CFHR1: variants seen among roughly 807,000 people sequenced by gnomAD.
CFHR1 encodes complement factor H related 1, also known as complement factor H-related protein 1.
Under a neutral mutation model 30.4 loss-of-function variants are expected in CFHR1, and 22 were observed. The ratio of observed to expected loss-of-function variants is 0.72; its 90% CI spans 0.52 to 1.03. CFHR1 has a LOEUF of 1.03. Among genes scored for constraint, CFHR1 ranks in the 50% least tolerant of loss-of-function variants. CFHR1 has a pLI of 0.00. For missense variants in CFHR1, 248 were observed against 380.6 expected (o/e 0.65, Z 2.90); for synonymous variants, 95 against 129.1 (o/e 0.74, Z 1.79).
In CFHR1 at chr1:196,832,166, C is replaced by A; in HGVS notation, c.*167C>A. 5.5e-6 allele frequency: 4 copies of A among 725,206 alleles called. No individual in the cohort carries two copies. The highest frequency in any genetic ancestry group is 8.7e-6 in the Non-Finnish European group (4 of 460,902). The allele number at this position is 725,206 out of a possible 1,614,324, so 44.9% of individuals were successfully genotyped here. On this transcript the variant is annotated 3_prime_UTR_variant, in exon 6 of 6. Transcript: ENST00000320493. ...ACCGGTGGCTCTCTTCTTAAAAGCA[C>A]CATATTAAAACTTGGAAAACTAACT...
At chr1:196,821,995 T>C (rs1173250079) in intron 1 of CFHR1, among the ~76,000 whole-genome samples, 2 of 130,226 alleles carry the variant, frequency 1.5e-5, no homozygotes, top group Non-Finnish European at 1.6e-5. Flanking sequence ...ATTGTAAGTA[T>C]ATGTTTATCT....
At position 196,831,745 on chromosome 1, in the gene CFHR1, T is replaced by C; in HGVS notation, c.791-52T>C. 6.2e-6 allele frequency: 9 copies of C among 1,459,632 alleles called. 2 individuals carry two copies. Among genetic ancestry groups the C allele is most frequent in the African/African-American group, 1.8e-5 (1 of 57,142 alleles). The allele number at this position is 1,459,632 out of a possible 1,614,324, so 90.4% of individuals were successfully genotyped here. ...TTCTACTTGAAAACCTGAAAGTCTA[T>C]GAAGATTTGCATACTACTTAATGTT... On this transcript the variant is annotated intron_variant, in intron 5 of 5. Coordinates refer to ENST00000320493, the MANE Select transcript of CFHR1 (RefSeq NM_002113.3).
intron 2 of CFHR1, among the ~76,000 whole-genome samples, chr1:196,826,468 TTTTAA>T (rs1655327085): frequency 1.1e-5 from 1 of 90,068 alleles, no homozygotes; most frequent in African/African-American, 6.3e-5. Context: ...AAGCTTTCCT[TTTTAA>T]TTTTTTTTGT....
intron 4 of CFHR1, among the ~76,000 whole-genome samples, chr1:196,829,207 A>T (rs1213186166): frequency 7.4e-6 from 1 of 134,792 alleles, no homozygotes; most frequent in Admixed American, 7.1e-5. Context: ...CATTTAAATC[A>T]ACAACTGGAA....
chr1:196,825,246 T>A, intron 1 of CFHR1: 1 of 367,360 alleles, frequency 2.7e-6, no homozygotes, highest in Non-Finnish European at 4.9e-6. Context: ...ATATTTCATA[T>A]CACTCCAAAA....
chr1:196,825,687 G>A lies in CFHR1; in HGVS notation c.253+16G>A. 2 of 1,507,218 alleles carry A rather than the reference G, an allele frequency of 1.3e-6. 1 individual carries two copies. Among genetic ancestry groups the A allele is most frequent in the Non-Finnish European group, 1.8e-6 (2 of 1,113,952 alleles). The allele number at this position is 1,507,218 out of a possible 1,614,324, so 93.4% of individuals were successfully genotyped here. A position where few individuals can be genotyped will look rare whatever the true frequency, so the allele number is the denominator to read the frequency against. ...AAGTGTCTCAGTGAGTAAATGCTCT[G>A]TTCATTAAATGGATGTCATTCAGTG... On this transcript the variant is annotated intron_variant, in intron 2 of 5. Coordinates refer to ENST00000320493, the MANE Select transcript of CFHR1 (RefSeq NM_002113.3).
At chr1:196,830,735 A>G (rs1655522469) in intron 5 of CFHR1, 53 bp downstream of exon 5, 1 of 1,503,606 alleles carries the variant, frequency 6.7e-7, no homozygotes, top group Admixed American at 1.7e-5. Flanking sequence ...TGAGTCTGAT[A>G]TTTTGCTGTT....
At chr1:196,824,624 A>G (rs2124887745) in intron 1 of CFHR1, among the ~76,000 whole-genome samples, 1 of 130,298 alleles carries the variant, frequency 7.7e-6, no homozygotes, top group East Asian at 2.0e-4. Flanking sequence ...TGCTGTAAAA[A>G]TAGTTGTTAT....
rs772080787 is a variant in CFHR1, at chr1:196,828,274, T to C, written c.607+28T>C. On this transcript the variant is annotated intron_variant, in intron 4 of 5. Transcript: ENST00000320493. ...AGAGTATTATATTTCTTTTAACATT[T>C]TGGGGGAGTATAGCAGGGTTAAAAT... The C allele has an allele frequency of 2.5e-6, 3 of 1,198,008 alleles. No individual in the cohort carries two copies. In the South Asian group the frequency reaches 4.6e-5, roughly 19 times the overall value. The allele number at this position is 1,198,008 out of a possible 1,614,324, so 74.2% of individuals were successfully genotyped here. A position where few individuals can be genotyped will look rare whatever the true frequency, so the allele number is the denominator to read the frequency against.
chr1:196,825,397 G>C, intron 1 of CFHR1, 80 bp from the exon 2 acceptor site: 1 of 1,064,216 alleles, frequency 9.4e-7, no homozygotes, highest in Admixed American at 2.2e-5. Flanking sequence ...AACACTATAA[G>C]TGAGATGATT....
chr1:196,827,919 T>C (rs1342545273), intron 3 of CFHR1, 151 bp from the exon 4 acceptor site: 2 of 728,350 alleles, frequency 2.7e-6, no homozygotes, highest in Non-Finnish European at 3.9e-6. Context: ...TTTTCTTCAA[T>C]ATTACATTTA....
In CFHR1 at chr1:196,830,549, T is replaced by G; in HGVS notation, c.657T>G (p.Ile219Met). 2.6e-6 allele frequency: 4 copies of G among 1,525,492 alleles called. No homozygotes were observed. Among genetic ancestry groups the G allele is most frequent in the African/African-American group, 1.7e-5 (1 of 58,424 alleles). The allele number at this position is 1,525,492 out of a possible 1,614,324, so 94.5% of individuals were successfully genotyped here. Residue 219 changes from isoleucine to methionine, a missense_variant, in exon 5 of 6, where the codon ATT (isoleucine) becomes ATG (methionine). Around this residue, in one of 3 missense-constraint regions of CFHR1, gnomAD observed 112 missense variants for 156.4 expected, o/e 0.72. Transcript: ENST00000320493. ...GPPPPIDNGDITSFPLSVYAP... is the reference protein window; with the variant it reads ...GPPPPIDNGDMTSFPLSVYAP... Reference sequence around the variant, plus strand: ...CTCCACCTATTGACAATGGGGACATTACTTCATTCCCGTTGTCAGTATATG... The same window carrying G: ...CTCCACCTATTGACAATGGGGACATGACTTCATTCCCGTTGTCAGTATATG...
rs1200208308 is a variant in CFHR1, at chr1:196,830,147, C to A, written c.608-353C>A. Among the ~76,000 whole-genome samples the A allele has an allele frequency of 3.7e-5, 5 of 134,924 alleles. 2 individuals are homozygous for A. Among genetic ancestry groups the A allele is most frequent in the African/African-American group, 1.6e-4 (5 of 31,488 alleles). The allele number at this position is 134,924 out of a possible 152,430, so 88.5% of individuals were successfully genotyped here. ...TAAGAACCATCATCAATTTCAAAAC[C>A]CGTGTCCTCTTAGTGTTACTCCAAA... On this transcript the variant is annotated intron_variant, in intron 4 of 5. Coordinates refer to ENST00000320493, the MANE Select transcript of CFHR1 (RefSeq NM_002113.3).
At chr1:196,831,104 C>A (rs183426201) in intron 5 of CFHR1, among the ~76,000 whole-genome samples, 1 of 135,850 alleles carries the variant, frequency 7.4e-6, no homozygotes, top group East Asian at 2.0e-4. Context: ...TGCACTCCAG[C>A]CTGGGCGACA....
In CFHR1 at chr1:196,823,486, C is replaced by T. The variant is rs1320301765; in HGVS notation, c.59-1991C>T. Among the ~76,000 whole-genome samples, 2 of 134,742 alleles carry T rather than the reference C, an allele frequency of 1.5e-5. 1 individual carries two copies. Among genetic ancestry groups the T allele is most frequent in the Non-Finnish European group, 3.1e-5 (2 of 64,168 alleles). The allele number at this position is 134,742 out of a possible 152,430, so 88.4% of individuals were successfully genotyped here. On this transcript the variant is annotated intron_variant, in intron 1 of 5. Coordinates refer to ENST00000320493, the MANE Select transcript of CFHR1 (RefSeq NM_002113.3). ...AAGACGGGAGTCTTTCCCTCAACAC[C>T]TTTACCAAAACTATCTAATGTCAAA...
At chr1:196,827,045 ATAAAGTTTGAGAGAAATAAATC>A in intron 3 of CFHR1, 40 bp downstream of exon 3, 2 of 1,482,236 alleles carry the variant, frequency 1.3e-6, no homozygotes, top group Non-Finnish European at 1.8e-6. Context: ...GTTATCTATT[ATAAAGTTTGAGAGAAATAAATC>A]TTTTTTACAG....
chr1:196,820,565 C>T (rs1399839204), intron 1 of CFHR1, among the ~76,000 whole-genome samples: 2 of 123,136 alleles, frequency 1.6e-5, no homozygotes, highest in Non-Finnish European at 3.3e-5. Flanking sequence ...TTAAGGCCAC[C>T]ATATCAAAGG....
chr1:196,828,796 T>G lies in CFHR1; in HGVS notation c.607+550T>G, dbSNP rs1161223533. ...GTTTTAAAATTAATGTTGTCCTGTG[T>G]TTTTTTTTTTTTTTCACTATTTTAC... On this transcript the variant is annotated intron_variant, in intron 4 of 5. Coordinates refer to ENST00000320493, the MANE Select transcript of CFHR1 (RefSeq NM_002113.3). Among the ~76,000 whole-genome samples the G allele has an allele frequency of 9.5e-5, 4 of 41,902 alleles. 1 individual carries two copies. The highest frequency in any genetic ancestry group is 9.4e-4 in the East Asian group (1 of 1,064). 27.5% of individuals were successfully genotyped at this position (41,902 alleles called of 152,430 possible). A position where few individuals can be genotyped will look rare whatever the true frequency, so the allele number is the denominator to read the frequency against.
rs1351698731 is a variant in CFHR1, at chr1:196,828,075, T to G, written c.436T>G (p.Ser146Ala). 1 of 1,492,698 alleles carries G rather than the reference T, an allele frequency of 6.7e-7. No homozygotes were observed. The highest frequency in any genetic ancestry group is 1.8e-5 in the Admixed American group (1 of 55,752). 92.5% of individuals were successfully genotyped at this position (1,492,698 alleles called of 1,614,324 possible). The change falls in exon 4 of 6, where the codon TCC (serine) becomes GCC (alanine). Residue 146 changes from serine to alanine, a missense_variant. Physicochemically the swap from Ser to Ala is moderately conservative, Grantham distance 99. Transcript: ENST00000320493. The stretch of plus-strand genomic sequence containing the variant: ...CTTCTTTTTTTTCTACTCAGACACT[T>G]CCTGTGTGAATCCGCCCACAGTACA... The part of the protein sequence containing the change: ...TPPKCRSTDT[S>A]CVNPPTVQNA...
Sources: allele counts gnomAD v4.1 joint callset (sites outside exome capture counted in the v4.1 genomes callset), GRCh38; gene constraint gnomAD v4.1.1; regional missense constraint gnomAD v4.1.1; transcripts MANE v1.5; gene names NCBI Gene and HGNC (gene_info 2026-07-23, HGNC 2026-07-21).